The following MALRD1 variants were observed in gnomAD, a reference collection of about 807,000 sequenced individuals.
MALRD1 encodes MAM and LDL-receptor class A domain-containing protein 1.
In MALRD1, 247 loss-of-function variants were observed where a neutral mutation model predicts 242.1. That is an observed-to-expected ratio of 1.02 (90% CI 0.92 to 1.13). The LOEUF (loss-of-function observed/expected upper bound fraction) is 1.13. Ranked by LOEUF, MALRD1 falls within the 50% of genes most tolerant of loss-of-function variation. The probability of loss-of-function intolerance (pLI) is 0.00; values close to 1 mark genes in which losing one functional copy is unlikely to be tolerated. For missense variants in MALRD1, 2,989 were observed against 2,533.1 expected, an observed-to-expected ratio of 1.18 and a Z score of -3.86; for synonymous variants, 995 against 866.6, an observed-to-expected ratio of 1.15 and a Z score of -2.60.
intron 5 of MALRD1, among the ~76,000 whole-genome samples, chr10:19,119,614 T>C (rs1836991993): frequency 6.6e-6 from 1 of 152,126 alleles, no homozygotes; most frequent in South Asian, 2.1e-4. Flanking sequence ...AGTTGATCCA[T>C]CAAGTGCCGG....
intron 32 of MALRD1, among the ~76,000 whole-genome samples, chr10:19,564,985 G>A (rs1836187911): frequency 6.6e-6 from 1 of 152,120 alleles, no homozygotes; most frequent in South Asian, 2.1e-4. Context: ...CAGTGGCTAT[G>A]AAAACACTTG....
chr10:19,161,550 C>CAAAA lies in MALRD1; in HGVS notation c.1657-4073_1657-4070dup. On this transcript the variant is annotated intron_variant, in intron 12 of 39. Coordinates refer to ENST00000454679, the MANE Select transcript of MALRD1 (RefSeq NM_001142308.3). ...ATAATAAAAATAAAGAAAAAAAAAGCAAAAAAAAAAAAAAAAAGAAAATTT... is the reference window on the plus strand; with the variant it reads ...ATAATAAAAATAAAGAAAAAAAAAGCAAAAAAAAAAAAAAAAAAAAAGAAAATTT... Among the ~76,000 whole-genome samples the CAAAA allele has an allele frequency of 3.2e-3, 196 of 60,822 alleles. 1 individual carries two copies. Among genetic ancestry groups the CAAAA allele is most frequent in the Non-Finnish European group, 3.6e-3 (121 of 33,760 alleles). 39.9% of individuals were successfully genotyped at this position (60,822 alleles called of 152,430 possible). A position where few individuals can be genotyped will look rare whatever the true frequency, so the allele number is the denominator to read the frequency against.
intron 21 of MALRD1, among the ~76,000 whole-genome samples, chr10:19,309,919 A>G (rs1191013175): frequency 6.6e-6 from 1 of 151,544 alleles, no homozygotes; most frequent in African/African-American, 2.4e-5. Flanking sequence ...GACCAGCAAC[A>G]CCTAAATCCA....
At chr10:19,082,076 A>AT (rs1216736554) in intron 2 of MALRD1, among the ~76,000 whole-genome samples, 2 of 151,376 alleles carry the variant, frequency 1.3e-5, no homozygotes, top group African/African-American at 4.8e-5. Flanking sequence ...TGTATGACTT[A>AT]TTTTTTTCTT....
chr10:19,279,053 G>A (rs1442571414), intron 19 of MALRD1, among the ~76,000 whole-genome samples: 1 of 152,146 alleles, frequency 6.6e-6, no homozygotes. Context: ...ACTAGGCCCA[G>A]AAGCAGCGGC....
chr10:19,707,426 A>G (rs1833917743), intron 38 of MALRD1, among the ~76,000 whole-genome samples: 1 of 152,234 alleles, frequency 6.6e-6, no homozygotes, highest in African/African-American at 2.4e-5. Context: ...GATACGAACA[A>G]GGCAAGTGCT....
At chr10:19,325,712 T>C (rs1249709659) in intron 22 of MALRD1, among the ~76,000 whole-genome samples, 2 of 152,154 alleles carry the variant, frequency 1.3e-5, no homozygotes, top group South Asian at 2.1e-4. Context: ...AGAGTAGGGC[T>C]ATCTTGCTGG....
rs1351273405 is a variant in MALRD1, at chr10:19,719,213, C to CATATAT, written c.6315-11492_6315-11491insTATATA. ...ATACATACATATATATATATATATA[C>CATATAT]ACATACATACATATATATATATATA... On this transcript the variant is annotated intron_variant, in intron 38 of 39. Transcript: ENST00000454679. Among the ~76,000 whole-genome samples, 26 of 85,430 alleles carry CATATAT rather than the reference C, an allele frequency of 3.0e-4. 2 individuals are homozygous for CATATAT. The East Asian group carries it at 7.5e-3, about 25-fold the overall frequency. The allele number at this position is 85,430 out of a possible 152,430, so 56.0% of individuals were successfully genotyped here. A position where few individuals can be genotyped will look rare whatever the true frequency, so the allele number is the denominator to read the frequency against.
At chr10:19,265,392 A>G (rs138047967) in intron 19 of MALRD1, among the ~76,000 whole-genome samples, 23 of 151,804 alleles carry the variant, frequency 1.5e-4, no homozygotes, top group African/African-American at 5.3e-4. Context: ...TAGAACTGCT[A>G]TTGCTGTATC....
At chr10:19,193,352 T>C (rs1836077887) in intron 14 of MALRD1, among the ~76,000 whole-genome samples, 1 of 152,078 alleles carries the variant, frequency 6.6e-6, no homozygotes, top group African/African-American at 2.4e-5. Flanking sequence ...GCCCAGGAGT[T>C]CCAGACCAGT....
At chr10:19,170,978 T>G (rs534970757) in intron 13 of MALRD1, among the ~76,000 whole-genome samples, 2 of 152,252 alleles carry the variant, frequency 1.3e-5, no homozygotes, top group African/African-American at 4.8e-5. Context: ...TCCTTCTTAC[T>G]ATATCTCTAT....
At chr10:19,586,934 C>T (rs189008116) in intron 33 of MALRD1, among the ~76,000 whole-genome samples, 13 of 152,336 alleles carry the variant, frequency 8.5e-5, no homozygotes, top group Admixed American at 4.6e-4. Flanking sequence ...CCTGGTGCTC[C>T]GTTTTTTAGG....
At chr10:19,388,491 G>A (rs1846183542) in intron 27 of MALRD1, among the ~76,000 whole-genome samples, 1 of 152,162 alleles carries the variant, frequency 6.6e-6, no homozygotes, top group African/African-American at 2.4e-5. Flanking sequence ...GTGATCATTA[G>A]CAAGTCATTT....
At chr10:19,539,473 C>T (rs1469815182) in intron 32 of MALRD1, among the ~76,000 whole-genome samples, 1 of 152,042 alleles carries the variant, frequency 6.6e-6, no homozygotes, top group African/African-American at 2.4e-5. Context: ...AGGTATTTTG[C>T]ATATTTTGTG....
At chr10:19,412,270 G>T (rs557997881) in intron 28 of MALRD1, among the ~76,000 whole-genome samples, 123 of 152,336 alleles carry the variant, frequency 8.1e-4, no homozygotes, top group Admixed American at 1.4e-3. Flanking sequence ...CAGTCTGGGT[G>T]AAAGAGCGAA....
chr10:19,576,484 A>T (rs1460268369), intron 33 of MALRD1, among the ~76,000 whole-genome samples: 1 of 152,196 alleles, frequency 6.6e-6, no homozygotes, highest in Non-Finnish European at 1.5e-5. Context: ...TTCGTGTTGT[A>T]TAATATAGAG....
In MALRD1 at chr10:19,477,957, T is replaced by C. The variant is rs374305053; in HGVS notation, c.5030-13560T>C. Among the ~76,000 whole-genome samples the C allele has an allele frequency of 5.3e-5, 8 of 152,214 alleles. No individual in the cohort carries two copies. In the East Asian group the frequency reaches 1.2e-3, roughly 22 times the overall value. The stretch of plus-strand genomic sequence containing the variant: ...AACATGCCTGGCTCCCAAGTAACCC[T>C]TTTCTACTGGCACAGTTGCCGGCAT... On this transcript the variant is annotated intron_variant, in intron 29 of 39. Transcript: ENST00000454679.
chr10:19,393,688 C>T lies in MALRD1; in HGVS notation c.4845+4079C>T, dbSNP rs146637452. ...AGCCAGGATGGTCTCCATCGCCTGA[C>T]CTCGTGATCTGCCCACCTTGGCCTC... is the stretch of plus-strand genomic sequence containing the variant. On this transcript the variant is annotated intron_variant, in intron 28 of 39. Coordinates refer to ENST00000454679, the MANE Select transcript of MALRD1 (RefSeq NM_001142308.3). Among the ~76,000 whole-genome samples, 755 of 151,254 alleles carry T rather than the reference C, an allele frequency of 5.0e-3. 12 individuals are homozygous for T. The highest frequency in any genetic ancestry group is 0.018 in the African/African-American group (722 of 41,178).
chr10:19,536,177 G>T (rs988637427), intron 32 of MALRD1, among the ~76,000 whole-genome samples: 1 of 152,002 alleles, frequency 6.6e-6, no homozygotes, highest in Admixed American at 6.6e-5. Flanking sequence ...TCAATGGAAG[G>T]TACCCACAAA....
Sources: allele counts gnomAD v4.1 joint callset (sites outside exome capture counted in the v4.1 genomes callset), GRCh38; gene constraint gnomAD v4.1.1; transcripts MANE v1.5; gene names NCBI Gene and HGNC (gene_info 2026-07-23, HGNC 2026-07-21).